LDLRAP1: variants seen among roughly 807,000 people sequenced by gnomAD.
LDLRAP1 encodes low density lipoprotein receptor adapter protein 1.
LDLRAP1 carries 30 observed loss-of-function variants against 37.8 expected under a neutral mutation model. That is an observed-to-expected ratio of 0.79 (90% confidence interval 0.59 to 1.08). The LOEUF is 1.08. Among genes scored for constraint, LDLRAP1 ranks in the 50% least tolerant of loss-of-function variants. The probability of loss-of-function intolerance (pLI) is 0.00; values close to 1 mark genes in which losing one functional copy is unlikely to be tolerated. For missense variants in LDLRAP1, 375 were observed against 401.6 expected (o/e 0.93, Z 0.57); for synonymous variants, 156 against 169.8 (o/e 0.92, Z 0.63).
At position 25,563,181 on chromosome 1, in the gene LDLRAP1, G is replaced by A. The variant is rs6688931; in HGVS notation, c.616+28G>A. 786,870 of 1,601,172 alleles carry A rather than the reference G, an allele frequency of 0.49. 196,058 individuals are homozygous for A. Among genetic ancestry groups the A allele is most frequent in the Middle Eastern group, 0.56 (3,305 of 5,928 alleles). On this transcript the variant is annotated intron_variant, in intron 6 of 8. Transcript: ENST00000374338. The stretch of plus-strand genomic sequence containing the variant: ...GAGTCCTGACGGGGAAGGGGGATTG[G>A]CCATGCGGTGTTGGGGTTGCGCTTC...
At chr1:25,562,384 G>A (rs2044363365) in intron 4 of LDLRAP1, among the ~76,000 whole-genome samples, 1 of 152,236 alleles carries the variant, frequency 6.6e-6, no homozygotes, top group Admixed American at 6.5e-5. Flanking sequence ...GAGAACTTTG[G>A]TGGGGCCAGA....
the LDLRAP1 span, among the ~76,000 whole-genome samples, chr1:25,585,968 A>G: frequency 2.0e-5 from 3 of 152,298 alleles, no homozygotes; most frequent in Middle Eastern, 3.4e-3. Flanking sequence ...TCATTTGTCA[A>G]ATAACCCACC....
chr1:25,583,107 G>C, the LDLRAP1 span, among the ~76,000 whole-genome samples: 1 of 150,156 alleles, frequency 6.7e-6, no homozygotes, highest in African/African-American at 2.4e-5. Flanking sequence ...CTCTCTTTTT[G>C]TTTGCATGGT....
At chr1:25,552,675 A>G (rs2044098748) in intron 1 of LDLRAP1, among the ~76,000 whole-genome samples, 1 of 152,104 alleles carries the variant, frequency 6.6e-6, no homozygotes, top group South Asian at 2.1e-4. Context: ...ATCTTTCTTC[A>G]TGTCCTCCTT....
At position 25,543,673 on chromosome 1, in the gene LDLRAP1, A is replaced by G. The variant is rs1404692772; in HGVS notation, c.-26A>G. The G allele has an allele frequency of 2.5e-6, 3 of 1,208,702 alleles. No homozygotes were observed. The highest frequency in any genetic ancestry group is 1.6e-5 in the African/African-American group (1 of 63,320). 74.9% of individuals were successfully genotyped at this position (1,208,702 alleles called of 1,614,324 possible). On this transcript the variant is annotated 5_prime_UTR_variant, in exon 1 of 9. Coordinates refer to ENST00000374338, the MANE Select transcript of LDLRAP1 (RefSeq NM_015627.3). ...TTCCTGACGGAGTTTTGGCTGCGGC[A>G]GCGGCGGCGGCGGCCGGAGCGGGCC...
At chr1:25,552,418 G>A (rs1241772817) in intron 1 of LDLRAP1, among the ~76,000 whole-genome samples, 2 of 152,196 alleles carry the variant, frequency 1.3e-5, no homozygotes, top group Non-Finnish European at 2.9e-5. Context: ...GGATGGTCTA[G>A]GGAAGCTGGC....
chr1:25,557,547 G>C, intron 4 of LDLRAP1: 2 of 505,820 alleles, frequency 4.0e-6, no homozygotes, highest in Non-Finnish European at 7.2e-6. Flanking sequence ...GGATTTGCTG[G>C]GTTGAGATTG....
intron 8 of LDLRAP1, among the ~76,000 whole-genome samples, chr1:25,565,957 C>T (rs944393496): frequency 6.6e-6 from 1 of 152,170 alleles, no homozygotes; most frequent in African/African-American, 2.4e-5. Context: ...CTCCTGCCTC[C>T]TCCTTCCTCT....
chr1:25,553,023 C>G (rs542148500), intron 1 of LDLRAP1, among the ~76,000 whole-genome samples: 1 of 152,212 alleles, frequency 6.6e-6, no homozygotes, highest in East Asian at 1.9e-4. Flanking sequence ...TTTGGGAAAT[C>G]GCCTTCTCCT....
the LDLRAP1 span, among the ~76,000 whole-genome samples, chr1:25,586,229 A>C: frequency 6.6e-6 from 1 of 152,178 alleles, no homozygotes; most frequent in African/African-American, 2.4e-5. This position sits in a 1 kb window ranked among gnomAD's most constrained non-coding sequence, Gnocchi z 4.3. Context: ...GGGAATGGCC[A>C]ATCCAAAGAA....
intron 3 of LDLRAP1, 39 bp from the exon 4 acceptor site, chr1:25,557,114 C>A (rs2044219562): frequency 1.3e-6 from 2 of 1,489,384 alleles, no homozygotes; most frequent in South Asian, 1.1e-5. Flanking sequence ...GCTCAGGCCC[C>A]TGTGCCAGGT....
chr1:25,559,259 A>AG (rs1423126284), intron 4 of LDLRAP1, among the ~76,000 whole-genome samples: 1 of 152,088 alleles, frequency 6.6e-6, no homozygotes, highest in Non-Finnish European at 1.5e-5. Context: ...GGCCCTGGGC[A>AG]GGGACAGCTG....
intron 8 of LDLRAP1, among the ~76,000 whole-genome samples, chr1:25,565,833 C>T (rs2044465214): frequency 6.6e-6 from 1 of 152,208 alleles, no homozygotes; most frequent in African/African-American, 2.4e-5. Flanking sequence ...GCCTCCCTTT[C>T]TCACTTGAGA....
At chr1:25,573,642 C>G (rs1039958698), downstream of LDLRAP1, among the ~76,000 whole-genome samples, 1 of 152,186 alleles carries the variant, frequency 6.6e-6, no homozygotes, top group African/African-American at 2.4e-5. Context: ...GGGAGGTTAG[C>G]CCGGAGAAAA....
At chr1:25,559,845 G>A (rs2044301569) in intron 4 of LDLRAP1, among the ~76,000 whole-genome samples, 1 of 152,228 alleles carries the variant, frequency 6.6e-6, no homozygotes, top group Non-Finnish European at 1.5e-5. Context: ...CCGCCACAGA[G>A]GTTTGGCACC....
chr1:25,565,249 G>A (rs557135123), intron 8 of LDLRAP1, 42 bp downstream of exon 8: 18 of 1,610,446 alleles, frequency 1.1e-5, no homozygotes, highest in Admixed American at 3.3e-5. Flanking sequence ...CCTGGTGTGC[G>A]TGGGCTGGCC....
At chr1:25,578,318 G>A in the LDLRAP1 span, among the ~76,000 whole-genome samples, 1 of 152,198 alleles carries the variant, frequency 6.6e-6, no homozygotes, top group East Asian at 1.9e-4. Context: ...TCCAGAGAGG[G>A]TTTGTCAGAC....
chr1:25,543,715 C>T lies in LDLRAP1; in HGVS notation c.17C>T (p.Ser6Leu), dbSNP rs1330017675. The T allele has an allele frequency of 1.6e-6, 2 of 1,214,334 alleles. No individual in the cohort carries two copies. Among genetic ancestry groups the T allele is most frequent in the African/African-American group, 1.6e-5 (1 of 63,558 alleles). The allele number at this position is 1,214,334 out of a possible 1,614,324, so 75.2% of individuals were successfully genotyped here. A position where few individuals can be genotyped will look rare whatever the true frequency, so the allele number is the denominator to read the frequency against. ...GAGCGGGCCATGGACGCGCTCAAGT[C>T]GGCGGGGCGGGCGCTGATCCGGAGC... is the stretch of plus-strand genomic sequence containing the variant. Reference protein sequence around the residue: MDALKSAGRALIRSPS... With the variant: MDALKLAGRALIRSPS... The change falls in exon 1 of 9, where the codon TCG (serine) becomes TTG (leucine). Residue 6 changes from serine (S) to leucine (L), a missense_variant. Coordinates refer to ENST00000374338, the MANE Select transcript of LDLRAP1 (RefSeq NM_015627.3).
rs200840109 is a variant in LDLRAP1 at position 25,553,901 on chromosome 1, G to A, written c.89-21G>A. On this transcript the variant is annotated intron_variant, in intron 1 of 8. Transcript: ENST00000374338. ...GGGCCCTGAGCCGCAGGGTCTGAGG[G>A]CCTACCCTGTGCTACCCCAGAGCTG... 3.3e-4 allele frequency: 530 copies of A among 1,612,514 alleles called. 3 individuals are homozygous for A. The African/African-American group carries it at 6.3e-3, about 19-fold the overall frequency.
Sources: gnomAD v4.1 joint callset for allele counts (sites outside exome capture counted in the v4.1 genomes callset) on GRCh38, gnomAD v4.1.1 for gene constraint, Gnocchi (gnomAD v3.1) non-coding constraint, MANE v1.5 for transcripts, NCBI Gene and HGNC (gene_info 2026-07-23, HGNC 2026-07-21) for gene names.